AKR1E2: variants seen among roughly 807,000 people sequenced by gnomAD.
AKR1E2 encodes 1,5-anhydro-D-fructose reductase.
In AKR1E2, 43 loss-of-function variants were observed where a neutral mutation model predicts 41.9. The ratio of observed to expected loss-of-function variants is 1.03; its 90% confidence interval spans 0.80 to 1.32. The LOEUF (loss-of-function observed/expected upper bound fraction) is 1.32. AKR1E2 is among the 40% of genes most tolerant of loss of function. The pLI is 0.00. For missense variants in AKR1E2, 423 were observed against 396.5 expected (o/e 1.07, Z -0.57); for synonymous variants, 121 against 138.9 (o/e 0.87, Z 0.91).
downstream of AKR1E2, among the ~76,000 whole-genome samples, chr10:4,850,850 TAATC>T (rs1333466307): frequency 6.6e-6 from 1 of 152,260 alleles, no homozygotes; most frequent in Non-Finnish European, 1.5e-5. Flanking sequence ...TTCCCAACTT[TAATC>T]AATGATAAAA....
chr10:4,866,030 A>G, the AKR1E2 span, among the ~76,000 whole-genome samples: 1 of 152,206 alleles, frequency 6.6e-6, no homozygotes, highest in Non-Finnish European at 1.5e-5. Flanking sequence ...TGTAACTAGC[A>G]GTACCAAATC....
intron 7 of AKR1E2, 123 bp from the exon 8 acceptor site, chr10:4,842,298 A>G (rs952453548): frequency 3.3e-5 from 26 of 796,106 alleles, no homozygotes; most frequent in Non-Finnish European, 2.1e-6. Context: ...GAATGCCAGT[A>G]ACAATAGCTG....
chr10:4,864,030 G>A, the AKR1E2 span, among the ~76,000 whole-genome samples: 1 of 152,130 alleles, frequency 6.6e-6, no homozygotes, highest in Non-Finnish European at 1.5e-5. Flanking sequence ...TCTACCAGAG[G>A]TACAAGGAGG....
At chr10:4,843,753 G>A (rs765316937) in intron 8 of AKR1E2, among the ~76,000 whole-genome samples, 2 of 152,218 alleles carry the variant, frequency 1.3e-5, no homozygotes, top group Non-Finnish European at 2.9e-5. Flanking sequence ...CCAGGGGATG[G>A]GCAGGTTCCT....
the AKR1E2 span, among the ~76,000 whole-genome samples, chr10:4,853,941 C>T: frequency 0.26 from 39,251 of 152,060 alleles, 5,264 homozygotes; most frequent in Middle Eastern, 0.37. Flanking sequence ...TGTCAGGGAG[C>T]TACCCTATAG....
chr10:4,828,086 A>G (rs796854064), intron 1 of AKR1E2, among the ~76,000 whole-genome samples: 1 of 152,328 alleles, frequency 6.6e-6, no homozygotes, highest in African/African-American at 2.4e-5. Flanking sequence ...TCACAGACCT[A>G]TCCGTTATCT....
At chr10:4,847,447 ATT>A (rs1263917307) in intron 9 of AKR1E2, 39 bp from the exon 10 acceptor site, 2 of 1,602,272 alleles carry the variant, frequency 1.2e-6, no homozygotes, top group East Asian at 2.2e-5. Flanking sequence ...AAAAATAATC[ATT>A]CTTTGTTCCT....
intron 1 of AKR1E2, among the ~76,000 whole-genome samples, chr10:4,828,593 TG>T (rs1832727241): frequency 6.6e-6 from 1 of 152,238 alleles, no homozygotes; most frequent in African/African-American, 2.4e-5. Flanking sequence ...GAAGGTTCCA[TG>T]AGAAACTTTA....
the AKR1E2 span, among the ~76,000 whole-genome samples, chr10:4,858,667 A>G: frequency 2.6e-5 from 4 of 152,256 alleles, no homozygotes; most frequent in Middle Eastern, 3.4e-3. Context: ...ACAATGTTCT[A>G]TATGGTGTTT....
chr10:4,848,290 G>A (rs1003450283), downstream of AKR1E2, among the ~76,000 whole-genome samples: 4 of 152,204 alleles, frequency 2.6e-5, no homozygotes, highest in Non-Finnish European at 5.9e-5. Context: ...TAGCGGAGAT[G>A]AAATACAGCT....
the AKR1E2 span, among the ~76,000 whole-genome samples, chr10:4,872,258 C>G: frequency 6.6e-6 from 1 of 152,172 alleles, no homozygotes; most frequent in East Asian, 1.9e-4. Flanking sequence ...CAAATTCTCT[C>G]TTTTTTAAAA....
At chr10:4,857,743 T>C in the AKR1E2 span, among the ~76,000 whole-genome samples, 1 of 152,222 alleles carries the variant, frequency 6.6e-6, no homozygotes, top group East Asian at 1.9e-4. Flanking sequence ...TATGTGTTTC[T>C]ATGGATTTGT....
At chr10:4,855,241 T>C in the AKR1E2 span, among the ~76,000 whole-genome samples, 1 of 152,200 alleles carries the variant, frequency 6.6e-6, no homozygotes, top group Non-Finnish European at 1.5e-5. Flanking sequence ...TTCTCTTCTT[T>C]GTAAAGTGTT....
At chr10:4,827,075 GA>G (rs5782783) in intron 1 of AKR1E2, among the ~76,000 whole-genome samples, 223 of 123,108 alleles carry the variant, frequency 1.8e-3, no homozygotes, top group African/African-American at 2.7e-3. Flanking sequence ...GACCTTGCTG[GA>G]AAAAAAAAAA....
the AKR1E2 span, among the ~76,000 whole-genome samples, chr10:4,862,512 T>C: frequency 6.6e-6 from 1 of 152,218 alleles, no homozygotes; most frequent in South Asian, 2.1e-4. Flanking sequence ...ATCTATAAAT[T>C]ACCTTGGGCA....
the AKR1E2 span, among the ~76,000 whole-genome samples, chr10:4,864,412 C>A: frequency 2.0e-5 from 3 of 152,092 alleles, no homozygotes; most frequent in African/African-American, 4.8e-5. Flanking sequence ...ATTCAACAGC[C>A]CTTCATGCTA....
At chr10:4,836,412 G>C (rs1013519739) in intron 4 of AKR1E2, among the ~76,000 whole-genome samples, 1 of 152,186 alleles carries the variant, frequency 6.6e-6, no homozygotes, top group Admixed American at 6.5e-5. Flanking sequence ...TTGACCCACA[G>C]GCTGGGGTGG....
chr10:4,835,569 G>A lies in AKR1E2; in HGVS notation c.325-106G>A, dbSNP rs1254805937. 3.6e-6 allele frequency: 5 copies of A among 1,405,898 alleles called. No homozygotes were observed. The African/African-American group carries it at 4.3e-5, about 12-fold the overall frequency. The allele number at this position is 1,405,898 out of a possible 1,614,324, so 87.1% of individuals were successfully genotyped here. ...GGCCTGGTCACATGGCCAGGCTGGG[G>A]TTGCTTAGTGACAGGGCTGTGGCTT... is the stretch of plus-strand genomic sequence containing the variant. On this transcript the variant is annotated intron_variant, in intron 3 of 9. Coordinates refer to ENST00000298375, the MANE Select transcript of AKR1E2 (RefSeq NM_001040177.3).
At chr10:4,843,833 T>C (rs930310708) in intron 8 of AKR1E2, among the ~76,000 whole-genome samples, 1 of 152,164 alleles carries the variant, frequency 6.6e-6, no homozygotes, top group Non-Finnish European at 1.5e-5. Context: ...GCCCTTCTCC[T>C]CTCCTTTCTC....
Sources: gnomAD v4.1 joint callset for allele counts (sites outside exome capture counted in the v4.1 genomes callset) on GRCh38, gnomAD v4.1.1 for gene constraint, MANE v1.5 for transcripts, NCBI Gene and HGNC (gene_info 2026-07-23, HGNC 2026-07-21) for gene names.